MATCAP2: variants seen among roughly 807,000 people sequenced by gnomAD.
MATCAP2 encodes putative tyrosine carboxypeptidase MATCAP2.
chr7:36,385,390 C>T, the MATCAP2 span, among the ~76,000 whole-genome samples: 437 of 152,078 alleles, frequency 2.9e-3, 4 homozygotes, highest in African/African-American at 9.8e-3. Context: ...TGGAATTTGC[C>T]CTACCAGATA....
chr7:36,344,530 T>C, the MATCAP2 span, among the ~76,000 whole-genome samples: 6 of 152,214 alleles, frequency 3.9e-5, no homozygotes, highest in South Asian at 1.2e-3. Context: ...ATACTGAATA[T>C]AAACTACTTT....
the MATCAP2 span, among the ~76,000 whole-genome samples, chr7:36,364,417 A>G: frequency 6.6e-6 from 1 of 152,150 alleles, no homozygotes; most frequent in Non-Finnish European, 1.5e-5. Context: ...AAAGGCCATG[A>G]GAAGTCAAAA....
At chr7:36,366,778 G>T in the MATCAP2 span, 1 of 1,534,678 alleles carries the variant, frequency 6.5e-7, no homozygotes, top group Non-Finnish European at 8.7e-7. Context: ...CGCCTCCTGC[G>T]CGCCCCGAAG....
chr7:36,383,691 A>C, the MATCAP2 span, among the ~76,000 whole-genome samples: 1 of 152,342 alleles, frequency 6.6e-6, no homozygotes, highest in African/African-American at 2.4e-5. Flanking sequence ...GAGGGATAGC[A>C]TTAGGAGAAA....
the MATCAP2 span, among the ~76,000 whole-genome samples, chr7:36,389,176 T>G: frequency 6.6e-6 from 1 of 152,158 alleles, no homozygotes; most frequent in South Asian, 2.1e-4. Flanking sequence ...TTCTCCTGCC[T>G]CAGCCTCCCG....
chr7:36,337,811 T>C, the MATCAP2 span: 1 of 152,192 alleles, frequency 6.6e-6, no homozygotes, highest in East Asian at 1.9e-4. Context: ...AGGATAACAA[T>C]AATAACATCT....
chr7:36,366,562 A>C, the MATCAP2 span: 2 of 946,120 alleles, frequency 2.1e-6, no homozygotes, highest in Non-Finnish European at 1.5e-6. Context: ...TTTTCTGAAC[A>C]TTCTAGAAAA....
chr7:36,364,932 G>C, the MATCAP2 span, among the ~76,000 whole-genome samples: 1 of 152,114 alleles, frequency 6.6e-6, no homozygotes, highest in Non-Finnish European at 1.5e-5. Context: ...GAACTTTATT[G>C]TACTATAGAA....
At chr7:36,354,365 G>A in the MATCAP2 span, among the ~76,000 whole-genome samples, 15 of 152,350 alleles carry the variant, frequency 9.8e-5, no homozygotes, top group South Asian at 2.1e-4. Flanking sequence ...ATCTGTGCGC[G>A]AAAGTCTAGC....
At chr7:36,364,600 AAATG>A in the MATCAP2 span, among the ~76,000 whole-genome samples, 2 of 152,194 alleles carry the variant, frequency 1.3e-5, no homozygotes, top group Non-Finnish European at 2.9e-5. Context: ...GCTGAAAAAA[AAATG>A]AACACATTTC....
At chr7:36,345,499 C>G in the MATCAP2 span, among the ~76,000 whole-genome samples, 1 of 152,116 alleles carries the variant, frequency 6.6e-6, no homozygotes, top group Non-Finnish European at 1.5e-5. Flanking sequence ...ATGTCACTTA[C>G]AATGCCACAC....
the MATCAP2 span, among the ~76,000 whole-genome samples, chr7:36,338,098 A>T: frequency 6.6e-6 from 1 of 152,114 alleles, no homozygotes; most frequent in Non-Finnish European, 1.5e-5. Context: ...ACATCACAAG[A>T]CTGATAAAGA....
the MATCAP2 span, among the ~76,000 whole-genome samples, chr7:36,364,272 G>A: frequency 6.6e-6 from 1 of 152,002 alleles, no homozygotes; most frequent in African/African-American, 2.4e-5. Flanking sequence ...ATTTTTTGTA[G>A]AGATAAGGTT....
At chr7:36,325,734 T>G in the MATCAP2 span, 1 of 152,170 alleles carries the variant, frequency 6.6e-6, no homozygotes, top group Non-Finnish European at 1.5e-5. Context: ...AACAGAACTC[T>G]CATTTTAAAA....
the MATCAP2 span, among the ~76,000 whole-genome samples, chr7:36,377,809 C>CT: frequency 6.6e-6 from 1 of 152,112 alleles, no homozygotes; most frequent in Admixed American, 6.5e-5. Context: ...TCTTTTTACT[C>CT]TTTTTTCTCT....
the MATCAP2 span, chr7:36,324,432 A>G: frequency 6.6e-6 from 1 of 152,200 alleles, no homozygotes; most frequent in African/African-American, 2.4e-5. Flanking sequence ...ATTTGACACA[A>G]CTATTTTTAA....
chr7:36,385,859 A>AG, the MATCAP2 span, among the ~76,000 whole-genome samples: 60 of 148,952 alleles, frequency 4.0e-4, no homozygotes, highest in African/African-American at 1.4e-3. Flanking sequence ...AAATAAGATA[A>AG]AGAAAGAACT....
the MATCAP2 span, among the ~76,000 whole-genome samples, chr7:36,328,172 G>A: frequency 2.8e-5 from 4 of 142,568 alleles, no homozygotes; most frequent in Admixed American, 2.2e-4. Context: ...GGGCTCAAGC[G>A]ATCCTTCCCA....
chr7:36,371,030 T>C, the MATCAP2 span, among the ~76,000 whole-genome samples: 1 of 152,260 alleles, frequency 6.6e-6, no homozygotes, highest in East Asian at 1.9e-4. Context: ...AATAGAAAAA[T>C]AGGTGTTTTG....
Sources: gnomAD v4.1 joint callset for allele counts (sites outside exome capture counted in the v4.1 genomes callset) on GRCh38, gnomAD v4.1.1 for gene constraint, MANE v1.5 for transcripts, NCBI Gene and HGNC (gene_info 2026-07-23, HGNC 2026-07-21) for gene names.